Variants in CCDC63 observed in about 807,000 individuals in gnomAD.
CCDC63 encodes the protein coiled-coil domain containing 63.
CCDC63 carries 54 observed loss-of-function variants against 63.6 expected under a neutral mutation model. The ratio of observed to expected loss-of-function variants is 0.85; its 90% CI spans 0.68 to 1.07. The LOEUF (loss-of-function observed/expected upper bound fraction) is 1.07. Ranked by LOEUF, CCDC63 falls within the 50% of genes least tolerant of loss-of-function variation. The pLI, the probability that CCDC63 is intolerant of heterozygous loss-of-function variation, is 0.00. For missense variants in CCDC63, 637 were observed against 689.6 expected, an observed-to-expected ratio of 0.92 and a Z score of 0.86; for synonymous variants, 253 against 266.1, an observed-to-expected ratio of 0.95 and a Z score of 0.48.
intron 1 of CCDC63, among the ~76,000 whole-genome samples, chr12:110,847,408 A>T (rs991540654): frequency 4.0e-5 from 6 of 151,870 alleles, no homozygotes; most frequent in Admixed American, 1.3e-4. Context: ...TTAAAAACTT[A>T]GCCGGGCGTG....
chr12:110,852,961 G>A lies in CCDC63; in HGVS notation c.7G>A (p.Val3Met). The change falls in exon 2 of 12, where the codon GTG (valine) becomes ATG (methionine). Residue 3 changes from valine (V) to methionine (M), a missense_variant and splice_region_variant. Coordinates refer to ENST00000308208, the MANE Select transcript of CCDC63 (RefSeq NM_152591.3). MS[V>M]LKKNRRKDSD... Reference sequence around the variant, plus strand: ...AAAGTGCGGTTCCTTCAAGATGTCTGTGGTAGGTGATGCCAGCTCCCAGCC... The same window carrying A: ...AAAGTGCGGTTCCTTCAAGATGTCTATGGTAGGTGATGCCAGCTCCCAGCC... The A allele has an allele frequency of 6.2e-7, 1 of 1,614,180 alleles. No homozygotes were observed. The highest frequency in any genetic ancestry group is 8.5e-7 in the Non-Finnish European group (1 of 1,180,018).
chr12:110,872,289 A>G (rs1026997335), intron 4 of CCDC63, among the ~76,000 whole-genome samples: 1 of 152,224 alleles, frequency 6.6e-6, no homozygotes, highest in Non-Finnish European at 1.5e-5. Flanking sequence ...AACTTTATTG[A>G]CAAAAACAGG....
intron 2 of CCDC63, among the ~76,000 whole-genome samples, 190 bp from the exon 3 acceptor site, chr12:110,853,215 T>C (rs1411925647): frequency 2.0e-5 from 3 of 151,918 alleles, no homozygotes; most frequent in African/African-American, 7.3e-5. Context: ...AAGTCAGTCA[T>C]CTCTCCACCC....
rs554648796 is a variant in CCDC63 at position 110,888,109 on chromosome 12, A to G, written c.1074+3859A>G. 5.6e-4 allele frequency among the ~76,000 whole-genome samples: 85 copies of G among 152,280 alleles called. 2 individuals carry two copies. The South Asian group carries it at 0.016, about 29-fold the overall frequency. On this transcript the variant is annotated intron_variant, in intron 8 of 11. Transcript: ENST00000308208. Reference sequence around the variant, plus strand: ...GGCTCCCTCTTCGCTCACAGAGACCAGCCAGGCTGAAGTGCTCCAGGGCCC... The same window carrying G: ...GGCTCCCTCTTCGCTCACAGAGACCGGCCAGGCTGAAGTGCTCCAGGGCCC...
Position 110,852,686 on chromosome 12 carries a change from T to G in CCDC63, c.-96-173T>G, listed in dbSNP as rs574493822. Among the ~76,000 whole-genome samples, 4 of 152,232 alleles carry G rather than the reference T, an allele frequency of 2.6e-5. No homozygotes were observed. The South Asian group carries it at 8.3e-4, about 32-fold the overall frequency. ...AACCAGGTTCCAGGCAAACATTGCT[T>G]TAAAACAAATAAGTGCCTTTTGTCA... On this transcript the variant is annotated intron_variant, in intron 1 of 11. Transcript: ENST00000308208.
At chr12:110,871,503 C>CTTCT (rs1283012211) in intron 4 of CCDC63, among the ~76,000 whole-genome samples, 2 of 134,254 alleles carry the variant, frequency 1.5e-5, no homozygotes, top group Non-Finnish European at 3.5e-5. Context: ...TCCTTCCTTC[C>CTTCT]TTTCTTTCTT....
At chr12:110,894,701 C>G (rs1331678368) in intron 9 of CCDC63, among the ~76,000 whole-genome samples, 1 of 152,238 alleles carries the variant, frequency 6.6e-6, no homozygotes, top group Non-Finnish European at 1.5e-5. Context: ...CCACGTCCTT[C>G]ACTCGGGGCC....
rs372857010 is a variant in CCDC63, at chr12:110,900,749, G to A, written c.1342+1624G>A. Among the ~76,000 whole-genome samples the A allele has an allele frequency of 3.3e-5, 5 of 152,026 alleles. No homozygotes were observed. In the South Asian group the frequency reaches 6.2e-4, roughly 19 times the overall value. On this transcript the variant is annotated intron_variant, in intron 10 of 11. Transcript: ENST00000308208. ...CAAGTAGCTGGGATTATAGGCACAC[G>A]CCACCACGCCCAGCTAATTTTTGTA...
At position 110,891,817 on chromosome 12, in the gene CCDC63, A is replaced by T. The variant is rs1217721218; in HGVS notation, c.1075-1259A>T. ...ATTAACTGACCCCCTATCAGTAGAC[A>T]TTTGATTGTCCCCAACTGGGGGCCA... On this transcript the variant is annotated intron_variant, in intron 8 of 11. Coordinates refer to ENST00000308208, the MANE Select transcript of CCDC63 (RefSeq NM_152591.3). Among the ~76,000 whole-genome samples the T allele has an allele frequency of 7.9e-5, 12 of 152,248 alleles. No homozygotes were observed. In the East Asian group the frequency reaches 2.1e-3, roughly 27 times the overall value.
chr12:110,903,347 G>A (rs558309831), intron 10 of CCDC63, among the ~76,000 whole-genome samples: 11 of 152,292 alleles, frequency 7.2e-5, no homozygotes, highest in African/African-American at 2.2e-4. Flanking sequence ...TAGAATAGCA[G>A]CAGTCTGGAT....
intron 5 of CCDC63, among the ~76,000 whole-genome samples, chr12:110,876,760 G>A (rs549263890): frequency 2.8e-4 from 43 of 151,998 alleles, no homozygotes; most frequent in African/African-American, 1.0e-3. Context: ...TAAACCAGAT[G>A]TGGTGGCTCA....
intron 8 of CCDC63, among the ~76,000 whole-genome samples, chr12:110,892,434 A>G (rs931300398): frequency 6.6e-6 from 1 of 152,056 alleles, no homozygotes; most frequent in African/African-American, 2.4e-5. Flanking sequence ...AAAAGAAAAA[A>G]AAGAAAAATT....
intron 8 of CCDC63, among the ~76,000 whole-genome samples, chr12:110,885,179 GAAAA>G (rs763360457): frequency 7.5e-6 from 1 of 133,978 alleles, no homozygotes; most frequent in African/African-American, 2.8e-5. Context: ...ATTGTAAGAA[GAAAA>G]AAAAAAAAGA....
At position 110,873,878 on chromosome 12, in the gene CCDC63, CAG is replaced by C. The variant is rs745595122; in HGVS notation, c.408_409del (p.Gln136HisfsTer10). 6.2e-7 allele frequency: 1 copy of C among 1,612,710 alleles called. No homozygotes were observed. Among genetic ancestry groups the C allele is most frequent in the South Asian group, 1.1e-5 (1 of 90,868 alleles). On this transcript the variant is annotated frameshift_variant, in exon 5 of 12. Coordinates refer to ENST00000308208, the MANE Select transcript of CCDC63 (RefSeq NM_152591.3). LOFTEE classifies it high-confidence loss of function. ...GGAAAAAAAAATCGCAAACCAAAAA[CAG>C]ATTTTCGCAAAAATGCAGGAGGCCA... ...QMEKKIANQK[Q>X]IFAKMQEANN...
chr12:110,892,328 C>T lies in CCDC63; in HGVS notation c.1075-748C>T, dbSNP rs1031432528. ...TGCCACTGTGGGCCTGTAATCCCAG[C>T]ACTTTGGGAGGCTGAGGCGGAAGGA... On this transcript the variant is annotated intron_variant, in intron 8 of 11. Coordinates refer to ENST00000308208, the MANE Select transcript of CCDC63 (RefSeq NM_152591.3). Among the ~76,000 whole-genome samples the T allele has an allele frequency of 2.0e-5, 3 of 152,110 alleles. No homozygotes were observed. The East Asian group carries it at 5.8e-4, about 29-fold the overall frequency.
chr12:110,886,141 C>G (rs974133796), intron 8 of CCDC63, among the ~76,000 whole-genome samples: 3 of 152,160 alleles, frequency 2.0e-5, no homozygotes, highest in African/African-American at 7.2e-5. Context: ...AATCGCAGCA[C>G]TTTGGGAGGC....
At chr12:110,880,219 C>T in intron 6 of CCDC63, 132 bp downstream of exon 6, 2 of 762,648 alleles carry the variant, frequency 2.6e-6, no homozygotes, top group Non-Finnish European at 4.3e-6. Flanking sequence ...AGTAATAATT[C>T]TGAGCACTGA....
chr12:110,854,186 T>A (rs1277815282), intron 3 of CCDC63, among the ~76,000 whole-genome samples: 1 of 151,482 alleles, frequency 6.6e-6, no homozygotes, highest in Non-Finnish European at 1.5e-5. Context: ...CCTAATTGTG[T>A]GTCTTATGAG....
At chr12:110,874,111 C>A (rs886578695) in intron 5 of CCDC63, 150 bp downstream of exon 5, 3 of 1,089,172 alleles carry the variant, frequency 2.8e-6, no homozygotes, top group Non-Finnish European at 3.9e-6. Flanking sequence ...GGCCAGGAAG[C>A]CTTTAGGATT....
Sources: allele counts gnomAD v4.1 joint callset (sites outside exome capture counted in the v4.1 genomes callset), GRCh38; gene constraint gnomAD v4.1.1; transcripts MANE v1.5; gene names NCBI Gene and HGNC (gene_info 2026-07-23, HGNC 2026-07-21).